Variants in CTNND2 observed in about 807,000 individuals in gnomAD.
CTNND2 encodes catenin delta 2.
In CTNND2, 22 loss-of-function variants were observed where a neutral mutation model predicts 144.4. The ratio of observed to expected loss-of-function variants is 0.15; its 90% CI spans 0.11 to 0.22. The LOEUF is 0.22. CTNND2 is among the 10% of genes least tolerant of loss of function. The pLI, the probability that CTNND2 is intolerant of heterozygous loss-of-function variation, is 1.00. For synonymous variants in CTNND2, 751 were observed against 695.6 expected, an observed-to-expected ratio of 1.08 and a Z score of -1.25; for missense variants, 1,353 against 1,618.8, an observed-to-expected ratio of 0.84 and a Z score of 2.82.
chr5:11,141,906 A>G (rs1756767091), intron 12 of CTNND2, among the ~76,000 whole-genome samples: 1 of 152,226 alleles, frequency 6.6e-6, no homozygotes, highest in Admixed American at 6.5e-5. Context: ...TTAGATCCTG[A>G]GGGCTCTCAA....
At chr5:11,240,396 AAC>A (rs796788132) in intron 9 of CTNND2, among the ~76,000 whole-genome samples, 1 of 119,710 alleles carries the variant, frequency 8.4e-6, no homozygotes, top group South Asian at 2.9e-4. Flanking sequence ...TCACACACCC[AAC>A]ACACACACCC....
chr5:11,862,905 T>C (rs1460313113), intron 1 of CTNND2, among the ~76,000 whole-genome samples: 1 of 152,136 alleles, frequency 6.6e-6, no homozygotes, highest in Non-Finnish European at 1.5e-5. Context: ...ATACACAAGA[T>C]AAACAGTTTT....
rs57085841 is a variant in CTNND2 at position 11,585,484 on chromosome 5, ATATCTATC to A, written c.175-20436_175-20429del. Among the ~76,000 whole-genome samples the A allele has an allele frequency of 2.5e-4, 38 of 150,086 alleles. No homozygotes were observed. In the East Asian group the frequency reaches 2.9e-3, roughly 12 times the overall value. ...CTATATTTATATATTTTATCTATGTATATCTATCTATCTATCTATCTATCTATCTATCT... is the reference window on the plus strand; with the variant it reads ...CTATATTTATATATTTTATCTATGTATATCTATCTATCTATCTATCTATCT... On this transcript the variant is annotated intron_variant, in intron 2 of 21. Transcript: ENST00000304623.
chr5:11,201,899 G>T (rs1737479975), intron 10 of CTNND2, among the ~76,000 whole-genome samples: 1 of 152,190 alleles, frequency 6.6e-6, no homozygotes, highest in African/African-American at 2.4e-5. Flanking sequence ...TCCTATATAG[G>T]TGTCTTGTTC....
chr5:11,672,609 C>T (rs1442012677), intron 2 of CTNND2, among the ~76,000 whole-genome samples: 4 of 152,128 alleles, frequency 2.6e-5, no homozygotes, highest in Non-Finnish European at 4.4e-5. Context: ...TCAGCAATGG[C>T]GGACGCCCCT....
chr5:11,487,934 G>C (rs1007933943), intron 3 of CTNND2, among the ~76,000 whole-genome samples: 1 of 152,114 alleles, frequency 6.6e-6, no homozygotes, highest in African/African-American at 2.4e-5. Context: ...CATTGCAGGA[G>C]GCTGTATATC....
At chr5:11,534,911 C>T (rs774533763) in intron 3 of CTNND2, among the ~76,000 whole-genome samples, 13 of 151,924 alleles carry the variant, frequency 8.6e-5, no homozygotes, top group Non-Finnish European at 1.9e-4. Flanking sequence ...ATTTCTTGGC[C>T]GGGAGCTGTG....
intron 1 of CTNND2, among the ~76,000 whole-genome samples, chr5:11,785,148 T>C (rs1014168344): frequency 2.6e-5 from 4 of 152,198 alleles, no homozygotes; most frequent in Non-Finnish European, 1.5e-5. Flanking sequence ...TTTCCTCACA[T>C]CAAAACATAA....
At chr5:11,027,805 A>ACC (rs1199787448) in intron 16 of CTNND2, among the ~76,000 whole-genome samples, 1 of 152,190 alleles carries the variant, frequency 6.6e-6, no homozygotes, top group Non-Finnish European at 1.5e-5. Flanking sequence ...GACCTAACAA[A>ACC]CCATGTTGCC....
At chr5:11,775,897 A>G (rs1421178632) in intron 1 of CTNND2, among the ~76,000 whole-genome samples, 1 of 152,104 alleles carries the variant, frequency 6.6e-6, no homozygotes, top group East Asian at 1.9e-4. Flanking sequence ...TTATAAGAAG[A>G]GGGGAATCTG....
At chr5:11,652,892 C>T (rs1782715516) in intron 2 of CTNND2, among the ~76,000 whole-genome samples, 1 of 152,148 alleles carries the variant, frequency 6.6e-6, no homozygotes, top group Admixed American at 6.6e-5. Context: ...CACTCAAACC[C>T]ATAGCAATCA....
intron 9 of CTNND2, among the ~76,000 whole-genome samples, chr5:11,346,061 A>G (rs1022444597): frequency 6.6e-6 from 1 of 152,188 alleles, no homozygotes; most frequent in African/African-American, 2.4e-5. Flanking sequence ...TCTGAAGTCA[A>G]ATGACATAGC....
chr5:11,440,658 A>G (rs1397781783), intron 3 of CTNND2, among the ~76,000 whole-genome samples: 2 of 152,236 alleles, frequency 1.3e-5, no homozygotes, highest in African/African-American at 2.4e-5. Flanking sequence ...TCATAATACC[A>G]GCATTATAAA....
intron 9 of CTNND2, among the ~76,000 whole-genome samples, chr5:11,345,176 T>G (rs1754646507): frequency 6.6e-6 from 1 of 152,202 alleles, no homozygotes; most frequent in Admixed American, 6.5e-5. Flanking sequence ...TTGCCATACA[T>G]GCCAAGAATA....
chr5:11,279,706 G>A (rs746508511), intron 9 of CTNND2, among the ~76,000 whole-genome samples: 16 of 152,192 alleles, frequency 1.1e-4, no homozygotes, highest in Admixed American at 1.0e-3. Flanking sequence ...TCTGCAGGCT[G>A]TACAGGAAGC....
At chr5:11,850,556 A>G (rs987217786) in intron 1 of CTNND2, among the ~76,000 whole-genome samples, 10 of 152,174 alleles carry the variant, frequency 6.6e-5, no homozygotes, top group African/African-American at 2.4e-4. Flanking sequence ...GGAATGAGAA[A>G]AAAGGCAATT....
At chr5:11,803,329 G>GA (rs11459720) in intron 1 of CTNND2, among the ~76,000 whole-genome samples, 130,704 of 150,672 alleles carry the variant, frequency 0.87, 58,684 homozygotes, top group Non-Finnish European at 0.99. Context: ...AAAAAAAAAA[G>GA]AAAAAAAAAT....
chr5:11,179,186 G>A (rs545064899), intron 11 of CTNND2, among the ~76,000 whole-genome samples: 130 of 151,920 alleles, frequency 8.6e-4, no homozygotes, highest in Non-Finnish European at 1.4e-3. Context: ...TCAGCTACTC[G>A]GGAGGCTGAG....
intron 18 of CTNND2, among the ~76,000 whole-genome samples, chr5:11,000,202 A>G (rs973051473): frequency 6.6e-6 from 1 of 152,238 alleles, no homozygotes; most frequent in African/African-American, 2.4e-5. Context: ...TTAGGACAAC[A>G]CACACTTGAG....
Sources: gnomAD v4.1 joint callset for allele counts (sites outside exome capture counted in the v4.1 genomes callset) on GRCh38, gnomAD v4.1.1 for gene constraint, MANE v1.5 for transcripts, NCBI Gene and HGNC (gene_info 2026-07-23, HGNC 2026-07-21) for gene names.